The following SLC4A4 variants were observed in gnomAD, a reference collection of about 807,000 sequenced individuals.
The protein encoded by SLC4A4 is electrogenic sodium bicarbonate cotransporter 1.
A neutral mutation model predicts 111.5 loss-of-function variants in SLC4A4; 27 were observed. That is an observed-to-expected ratio of 0.24 (90% CI 0.18 to 0.33). The LOEUF (loss-of-function observed/expected upper bound fraction) is 0.33. Among genes scored for constraint, SLC4A4 ranks in the 10% least tolerant of loss-of-function variants. The pLI, the probability that SLC4A4 is intolerant of heterozygous loss-of-function variation, is 1.00. For missense variants in SLC4A4, 909 were observed against 1,315.5 expected, an observed-to-expected ratio of 0.69 and a Z score of 4.78; for synonymous variants, 443 against 463.4, an observed-to-expected ratio of 0.96 and a Z score of 0.57.
intron 3 of SLC4A4, among the ~76,000 whole-genome samples, chr4:71,338,808 G>A (rs1728642216): frequency 6.7e-6 from 1 of 148,504 alleles, no homozygotes; most frequent in East Asian, 2.0e-4. Flanking sequence ...CTACCATTCT[G>A]TAAAGAAGAG....
intron 7 of SLC4A4, chr4:71,437,321 G>T: frequency 2.8e-6 from 1 of 362,784 alleles, no homozygotes; most frequent in South Asian, 2.6e-5. Context: ...CGGTTTTGGG[G>T]AAATACACTC....
At chr4:71,497,084 G>A (rs1448905447) in intron 15 of SLC4A4, among the ~76,000 whole-genome samples, 2 of 152,046 alleles carry the variant, frequency 1.3e-5, no homozygotes, top group African/African-American at 4.8e-5. Context: ...GGGCCATCAG[G>A]TAGACACGTA....
At chr4:71,325,331 A>C (rs1727423176) in intron 3 of SLC4A4, among the ~76,000 whole-genome samples, 1 of 152,024 alleles carries the variant, frequency 6.6e-6, no homozygotes, top group South Asian at 2.1e-4. Flanking sequence ...AAATGGAATA[A>C]TAGGAGGGTA....
chr4:71,270,982 T>C (rs1722666556), intron 3 of SLC4A4, among the ~76,000 whole-genome samples: 3 of 152,212 alleles, frequency 2.0e-5, no homozygotes, highest in Admixed American at 2.0e-4. Context: ...GCCTCTTCTC[T>C]TCCAGGGATC....
intron 21 of SLC4A4, 46 bp from the exon 22 acceptor site, chr4:71,557,666 T>C (rs1267441142): frequency 6.4e-7 from 1 of 1,573,450 alleles, no homozygotes; most frequent in Admixed American, 1.7e-5. Context: ...ATAGTGGAAA[T>C]GTAATGCAGT....
intron 1 of SLC4A4, among the ~76,000 whole-genome samples, chr4:71,197,896 A>G (rs1746079974): frequency 3.3e-5 from 5 of 152,222 alleles, no homozygotes; most frequent in Admixed American, 3.3e-4. Flanking sequence ...AAAGGTGCTC[A>G]TGTGGCAGGC....
chr4:71,163,825 A>G (rs1176704321), intron 2 of SLC4A4, among the ~76,000 whole-genome samples: 1 of 152,216 alleles, frequency 6.6e-6, no homozygotes, highest in African/African-American at 2.4e-5. Flanking sequence ...AGCCCAAAAC[A>G]TTTACTATCT....
chr4:71,196,834 CAAAAAAAAAAAAAAAAAAAAA>C (rs71212000), intron 1 of SLC4A4, among the ~76,000 whole-genome samples: 35 of 20,328 alleles, frequency 1.7e-3, no homozygotes, highest in Middle Eastern at 0.031. Context: ...ACTCTGTCTC[CAAAAAAAAAAAAAAAAAAAAA>C]AAAAAAAAAA....
intron 2 of SLC4A4, among the ~76,000 whole-genome samples, chr4:71,137,806 T>G (rs1381332669): frequency 6.6e-6 from 1 of 152,238 alleles, no homozygotes. Flanking sequence ...AACGTTTTTT[T>G]CGTTTCTCGC....
intron 14 of SLC4A4, among the ~76,000 whole-genome samples, chr4:71,485,709 C>T (rs1457505967): frequency 3.3e-5 from 5 of 150,670 alleles, no homozygotes; most frequent in Non-Finnish European, 7.4e-5. Context: ...AAGTAGGGCT[C>T]AAGCTAAATA....
At chr4:71,300,833 G>T in intron 3 of SLC4A4, 1 of 451,320 alleles carries the variant, frequency 2.2e-6, no homozygotes, top group Non-Finnish European at 4.5e-6. Flanking sequence ...GAGAAGCAGT[G>T]CTGGAGGCAG....
At chr4:71,522,022 CA>C (rs1732978207) in intron 16 of SLC4A4, among the ~76,000 whole-genome samples, 1 of 110,616 alleles carries the variant, frequency 9.0e-6, no homozygotes, top group Non-Finnish European at 2.4e-5. Flanking sequence ...TAAAATGAAA[CA>C]GATTACCTTT....
At chr4:71,425,687 G>A (rs956483422) in intron 7 of SLC4A4, among the ~76,000 whole-genome samples, 9 of 152,040 alleles carry the variant, frequency 5.9e-5, no homozygotes, top group African/African-American at 2.2e-4. Context: ...ACTCAAAGTG[G>A]GGGTGGATGG....
chr4:71,530,139 G>A (rs560735307), intron 16 of SLC4A4, among the ~76,000 whole-genome samples: 1 of 152,030 alleles, frequency 6.6e-6, no homozygotes, highest in Admixed American at 6.6e-5. Flanking sequence ...TCATTAATGG[G>A]CTTTTAATTT....
At chr4:71,441,508 T>G (rs1278633012) in intron 8 of SLC4A4, among the ~76,000 whole-genome samples, 1 of 151,890 alleles carries the variant, frequency 6.6e-6, no homozygotes, top group Non-Finnish European at 1.5e-5. Flanking sequence ...GAATAGGACT[T>G]TTTTTTGGGA....
rs188314800 is a variant in SLC4A4 at position 71,545,575 on chromosome 4, C to T, written c.2443-775C>T. ...AATATTTATTTAATGAGTAAAAAAG[C>T]TAGATCTTTTGTTACATTGTCTGCT... On this transcript the variant is annotated intron_variant, in intron 18 of 25. Coordinates refer to ENST00000264485, the MANE Select transcript of SLC4A4 (RefSeq NM_001098484.3). Among the ~76,000 whole-genome samples, 5 of 152,034 alleles carry T rather than the reference C, an allele frequency of 3.3e-5. No individual in the cohort carries two copies. The East Asian group carries it at 9.7e-4, about 30-fold the overall frequency.
intron 2 of SLC4A4, among the ~76,000 whole-genome samples, chr4:71,101,976 C>A (rs1432211025): frequency 6.6e-6 from 1 of 151,304 alleles, no homozygotes; most frequent in Admixed American, 6.6e-5. Context: ...TTACTCTGAG[C>A]TACGGGAGGA....
intron 2 of SLC4A4, among the ~76,000 whole-genome samples, chr4:71,094,752 T>C (rs1412643588): frequency 6.6e-6 from 1 of 152,194 alleles, no homozygotes; most frequent in Non-Finnish European, 1.5e-5. Context: ...CTGGATGTTT[T>C]GTGTTAAAGT....
intron 24 of SLC4A4, 37 bp from the exon 25 acceptor site, chr4:71,566,967 T>A (rs1267049786): frequency 6.5e-7 from 1 of 1,544,774 alleles, no homozygotes; most frequent in Non-Finnish European, 8.9e-7. Context: ...TCACCAAAGA[T>A]CTACCATTTA....
Sources: allele counts gnomAD v4.1 joint callset (sites outside exome capture counted in the v4.1 genomes callset), GRCh38; gene constraint gnomAD v4.1.1; transcripts MANE v1.5; gene names NCBI Gene and HGNC (gene_info 2026-07-23, HGNC 2026-07-21).